The following PACC1 variants were observed in gnomAD, a reference collection of about 807,000 sequenced individuals.
The protein encoded by PACC1 is proton activated chloride channel 1.
Under a neutral mutation model 39.7 loss-of-function variants are expected in PACC1, and 34 were observed. That is an observed-to-expected ratio of 0.86 (90% confidence interval 0.65 to 1.14). PACC1 has a LOEUF of 1.14. Among genes scored for constraint, PACC1 ranks in the 50% most tolerant of loss-of-function variants. The probability of loss-of-function intolerance (pLI) is 0.00; values close to 1 mark genes in which losing one functional copy is unlikely to be tolerated. For missense variants in PACC1, 379 were observed against 436.4 expected (o/e 0.87, Z 1.17); for synonymous variants, 127 against 160.6 (o/e 0.79, Z 1.58).
intron 2 of PACC1, among the ~76,000 whole-genome samples, chr1:212,405,470 G>A (rs1284912364): frequency 6.6e-6 from 1 of 152,182 alleles, no homozygotes; most frequent in Non-Finnish European, 1.5e-5. Context: ...GACCTCATCA[G>A]GGAAGTCAAG....
intron 1 of PACC1, among the ~76,000 whole-genome samples, chr1:212,411,550 G>A (rs1247395020): frequency 6.6e-6 from 1 of 152,130 alleles, no homozygotes; most frequent in Non-Finnish European, 1.5e-5. Context: ...TAATCAACAA[G>A]TCTCTGTAGG....
intron 4 of PACC1, among the ~76,000 whole-genome samples, chr1:212,381,680 A>G (rs1184646992): frequency 2.1e-5 from 2 of 97,482 alleles, no homozygotes; most frequent in African/African-American, 6.1e-5. Context: ...GTGCACAGAC[A>G]CACACACACA....
At chr1:212,413,541 A>G (rs533074833) in intron 1 of PACC1, among the ~76,000 whole-genome samples, 5 of 152,324 alleles carry the variant, frequency 3.3e-5, no homozygotes, top group Non-Finnish European at 7.4e-5. Context: ...ATTTTACCCA[A>G]TGGAGCTTGG....
At chr1:212,374,879 T>C (rs528705621) in intron 7 of PACC1, among the ~76,000 whole-genome samples, 4 of 152,320 alleles carry the variant, frequency 2.6e-5, no homozygotes, top group East Asian at 3.9e-4. Context: ...AGCAGCTACT[T>C]TGCACTAAGC....
chr1:212,379,292 A>G (rs11119924), intron 5 of PACC1, among the ~76,000 whole-genome samples: 25,242 of 152,180 alleles, frequency 0.17, 2,539 homozygotes, highest in South Asian at 0.3. Context: ...TATCGTAAGA[A>G]TACAGTCTAT....
Position 212,369,316 on chromosome 1 carries a change from CCAAAAAA to C in PACC1, c.892-3947_892-3941del, listed in dbSNP as rs1197191323. ...CAGTAAGAAGAATGAAGTTACAAAA[CCAAAAAA>C]CAAAAAACGAAATAGCCGTAGTAAG... On this transcript the variant is annotated intron_variant, in intron 7 of 7. Transcript: ENST00000261455. Among the ~76,000 whole-genome samples, 3 of 151,934 alleles carry C rather than the reference CCAAAAAA, an allele frequency of 2.0e-5. No homozygotes were observed. The East Asian group carries it at 5.8e-4, about 29-fold the overall frequency.
At chr1:212,398,314 T>C (rs1558179310) in intron 2 of PACC1, among the ~76,000 whole-genome samples, 2 of 152,218 alleles carry the variant, frequency 1.3e-5, no homozygotes, top group Non-Finnish European at 2.9e-5. Flanking sequence ...GTCGAATGAA[T>C]AAATAACCTA....
intron 3 of PACC1, 61 bp from the exon 4 acceptor site, chr1:212,385,486 A>G (rs1318607717): frequency 1.3e-6 from 2 of 1,571,752 alleles, no homozygotes; most frequent in Non-Finnish European, 8.7e-7. Flanking sequence ...CATCCCTGAA[A>G]TCATCTCACA....
intron 2 of PACC1, among the ~76,000 whole-genome samples, chr1:212,400,296 G>A (rs1032308127): frequency 6.6e-6 from 1 of 152,212 alleles, no homozygotes; most frequent in Admixed American, 6.5e-5. Context: ...GATGGCCTTG[G>A]TTAAGGAAAG....
chr1:212,390,527 T>C (rs1661276261), intron 2 of PACC1, among the ~76,000 whole-genome samples: 2 of 144,062 alleles, frequency 1.4e-5, no homozygotes, highest in Admixed American at 7.0e-5. Context: ...ATGCAGAAGA[T>C]GGGTGATTTC....
chr1:212,410,379 G>A (rs1347023950), intron 2 of PACC1, 46 bp downstream of exon 2: 3 of 1,569,268 alleles, frequency 1.9e-6, no homozygotes, highest in South Asian at 1.1e-5. Flanking sequence ...CTAGACTGGG[G>A]TGTCCAGCTG....
Position 212,386,812 on chromosome 1 carries a change from C to A in PACC1, c.343+79G>T. On this transcript the variant is annotated intron_variant, in intron 3 of 7. Transcript: ENST00000261455. This position sits in a 1 kb window ranked among gnomAD's most constrained non-coding sequence, Gnocchi z 5.0. The stretch of plus-strand genomic sequence containing the variant: ...TGCCCTGCCCGTAGTACCACAAATA[C>A]AACGGCAGCTCAGGGAGTATCTGCC... 1 of 1,424,714 alleles carries A rather than the reference C, an allele frequency of 7.0e-7. No individual in the cohort carries two copies. The highest frequency in any genetic ancestry group is 2.3e-5 in the East Asian group (1 of 43,888). The allele number at this position is 1,424,714 out of a possible 1,614,324, so 88.3% of individuals were successfully genotyped here.
chr1:212,379,891 C>T lies in PACC1; in HGVS notation c.638+4G>A, dbSNP rs765511256. 1.2e-6 allele frequency: 2 copies of T among 1,614,052 alleles called. No individual in the cohort carries two copies. The highest frequency in any genetic ancestry group is 2.2e-5 in the East Asian group (1 of 44,882). The stretch of plus-strand genomic sequence containing the variant: ...TAAGCCCACTGTGAACTCTAAAAGC[C>T]CACCTTTGCAGGAACTCCTGGAAAG... On this transcript the variant is annotated splice_donor_region_variant and intron_variant, in intron 5 of 7. Coordinates refer to ENST00000261455, the MANE Select transcript of PACC1 (RefSeq NM_018252.3).
In PACC1 at chr1:212,385,377, T is replaced by G; in HGVS notation, c.392A>C (p.His131Pro). 1 of 1,614,060 alleles carries G rather than the reference T, an allele frequency of 6.2e-7. No individual in the cohort carries two copies. The highest frequency in any genetic ancestry group is 2.2e-5 in the East Asian group (1 of 44,870). The change falls in exon 4 of 8, where the codon CAT (histidine) becomes CCT (proline). Residue 131 changes from histidine to proline, a missense_variant. His to Pro is a moderately conservative substitution (Grantham distance 77). Coordinates refer to ENST00000261455, the MANE Select transcript of PACC1 (RefSeq NM_018252.3). ...TGTCAGAGGAGGAATGACCTCGTAA[T>G]GGTGCTTACAGCTGAGCAACTGGGC... The part of the protein sequence containing the change: ...GQAQLLSCKH[H>P]YEVIPPLTSP...
intron 2 of PACC1, among the ~76,000 whole-genome samples, chr1:212,405,318 A>G (rs527898116): frequency 6.6e-6 from 1 of 152,332 alleles, no homozygotes; most frequent in South Asian, 2.1e-4. Flanking sequence ...AAAGGAGGAG[A>G]AGACAAAATC....
chr1:212,365,763 T>C (rs925182636), intron 7 of PACC1, among the ~76,000 whole-genome samples: 9 of 152,206 alleles, frequency 5.9e-5, no homozygotes, highest in African/African-American at 1.9e-4. Context: ...GACTCCTCCC[T>C]ATAATAAAGT....
rs532359188 is a variant in PACC1, at chr1:212,402,512, T to C, written c.133+7913A>G. ...TTTGCCCATTTTTAAACTGAGTTATTTGTCTTTATTGTTGAATTGTAGGTG... is the reference window on the plus strand; with the variant it reads ...TTTGCCCATTTTTAAACTGAGTTATCTGTCTTTATTGTTGAATTGTAGGTG... On this transcript the variant is annotated intron_variant, in intron 2 of 7. Transcript: ENST00000261455. 1.4e-3 allele frequency among the ~76,000 whole-genome samples: 214 copies of C among 152,346 alleles called. 1 individual carries two copies. Among genetic ancestry groups the C allele is most frequent in the African/African-American group, 4.9e-3 (203 of 41,584 alleles).
chr1:212,370,401 A>G (rs891509916), intron 7 of PACC1, among the ~76,000 whole-genome samples: 2 of 152,138 alleles, frequency 1.3e-5, no homozygotes, highest in African/African-American at 2.4e-5. Flanking sequence ...CCCGGGAGGC[A>G]GAGCTTGCAG....
At chr1:212,394,578 C>G (rs1399235311) in intron 2 of PACC1, among the ~76,000 whole-genome samples, 1 of 152,178 alleles carries the variant, frequency 6.6e-6, no homozygotes, top group Non-Finnish European at 1.5e-5. Flanking sequence ...GTTGGAAGTT[C>G]TGGCCAGGGC....
Sources: gnomAD v4.1 joint callset for allele counts (sites outside exome capture counted in the v4.1 genomes callset) on GRCh38, gnomAD v4.1.1 for gene constraint, Gnocchi (gnomAD v3.1) non-coding constraint, MANE v1.5 for transcripts, NCBI Gene and HGNC (gene_info 2026-07-23, HGNC 2026-07-21) for gene names.